The following MACROD2 variants were observed in gnomAD, a reference collection of about 807,000 sequenced individuals.
MACROD2 encodes ADP-ribose glycohydrolase MACROD2.
MACROD2 carries 36 observed loss-of-function variants against 70.4 expected under a neutral mutation model. The observed-to-expected ratio is 0.51, with a 90% confidence interval of 0.39 to 0.68. MACROD2 has a LOEUF of 0.68. MACROD2 is among the 30% of genes least tolerant of loss of function. The pLI is 0.00. For missense variants in MACROD2, 496 were observed against 538.4 expected, an observed-to-expected ratio of 0.92 and a Z score of 0.78; for synonymous variants, 172 against 178.8, an observed-to-expected ratio of 0.96 and a Z score of 0.30.
intron 6 of MACROD2, among the ~76,000 whole-genome samples, chr20:15,380,986 A>T (rs1361423492): frequency 6.6e-6 from 1 of 152,194 alleles, no homozygotes; most frequent in African/African-American, 2.4e-5. Context: ...GAAAATACAG[A>T]CCAATACCCA....
intron 3 of MACROD2, among the ~76,000 whole-genome samples, chr20:14,474,375 C>T (rs1239159006): frequency 6.6e-6 from 1 of 152,046 alleles, no homozygotes; most frequent in Non-Finnish European, 1.5e-5. Flanking sequence ...TTTGTTAAGA[C>T]TTGTTTTGTA....
At chr20:15,311,514 T>C (rs942780237) in intron 6 of MACROD2, among the ~76,000 whole-genome samples, 24 of 152,018 alleles carry the variant, frequency 1.6e-4, no homozygotes, top group African/African-American at 5.3e-4. Flanking sequence ...TTCACAAAAG[T>C]AAAGACATAA....
At position 14,956,246 on chromosome 20, in the gene MACROD2, C is replaced by T. The variant is rs77818452; in HGVS notation, c.418+271287C>T. Among the ~76,000 whole-genome samples, 1,189 of 152,206 alleles carry T rather than the reference C, an allele frequency of 7.8e-3. 13 individuals carry two copies. The highest frequency in any genetic ancestry group is 0.027 in the African/African-American group (1,141 of 41,522). On this transcript the variant is annotated intron_variant, in intron 5 of 17. Coordinates refer to ENST00000684519, the MANE Select transcript of MACROD2 (RefSeq NM_001351661.2). The stretch of plus-strand genomic sequence containing the variant: ...TAACATGGCAGGTGGTGACGAACTG[C>T]AGCTTATGACATCTCTTGCAATGTA...
chr20:16,000,634 A>G (rs2066697004), intron 15 of MACROD2, among the ~76,000 whole-genome samples: 1 of 152,172 alleles, frequency 6.6e-6, no homozygotes, highest in Admixed American at 6.5e-5. Context: ...TAGAGTTCAT[A>G]AAGTAAAGAA....
chr20:14,426,634 G>A (rs1464800275), intron 3 of MACROD2, among the ~76,000 whole-genome samples: 1 of 151,980 alleles, frequency 6.6e-6, no homozygotes, highest in African/African-American at 2.4e-5. Flanking sequence ...GATCCATTTG[G>A]GCTATTTAGT....
intron 8 of MACROD2, among the ~76,000 whole-genome samples, chr20:15,763,621 TAGA>T (rs761510142): frequency 9.2e-5 from 14 of 152,294 alleles, no homozygotes; most frequent in Non-Finnish European, 1.6e-4. Context: ...CTAAGTATAA[TAGA>T]AGAAGTGGAG....
At chr20:14,860,326 T>G (rs2073300826) in intron 5 of MACROD2, among the ~76,000 whole-genome samples, 1 of 152,090 alleles carries the variant, frequency 6.6e-6, no homozygotes, top group Non-Finnish European at 1.5e-5. Flanking sequence ...GGAAAAGAAT[T>G]TATGCAAAAG....
chr20:15,808,517 A>G (rs902850595), intron 8 of MACROD2, among the ~76,000 whole-genome samples: 5 of 152,216 alleles, frequency 3.3e-5, no homozygotes, highest in African/African-American at 4.8e-5. Flanking sequence ...TTTCTTATAA[A>G]TTATGAAAAT....
intron 4 of MACROD2, among the ~76,000 whole-genome samples, chr20:14,602,272 G>C (rs944953067): frequency 2.6e-5 from 4 of 152,178 alleles, no homozygotes; most frequent in Admixed American, 6.5e-5. Context: ...CCTGGTGGCT[G>C]CACCCTATCC....
chr20:15,687,298 A>T (rs202100864), intron 8 of MACROD2, among the ~76,000 whole-genome samples: 15 of 142,120 alleles, frequency 1.1e-4, no homozygotes, highest in African/African-American at 3.0e-4. Context: ...ATATATATAT[A>T]TTTTATATAT....
At chr20:14,834,570 T>G (rs2122246002) in intron 5 of MACROD2, among the ~76,000 whole-genome samples, 1 of 152,216 alleles carries the variant, frequency 6.6e-6, no homozygotes, top group East Asian at 1.9e-4. Context: ...GGCTTCATTC[T>G]ATATATTTAT....
At chr20:14,701,087 A>C (rs2071191136) in intron 5 of MACROD2, among the ~76,000 whole-genome samples, 1 of 152,180 alleles carries the variant, frequency 6.6e-6, no homozygotes, top group African/African-American at 2.4e-5. Flanking sequence ...TTGGTGCTTA[A>C]AAATATACAA....
chr20:15,734,010 A>G (rs973774862), intron 8 of MACROD2, among the ~76,000 whole-genome samples: 3 of 152,208 alleles, frequency 2.0e-5, no homozygotes, highest in Admixed American at 6.5e-5. Context: ...GTTAAAGTAG[A>G]GATGTATACA....
chr20:15,835,369 T>A (rs1419237014), intron 8 of MACROD2, among the ~76,000 whole-genome samples: 2 of 152,108 alleles, frequency 1.3e-5, no homozygotes, highest in Non-Finnish European at 2.9e-5. Context: ...TCAAAAAAAA[T>A]GGGTTTGCCA....
intron 4 of MACROD2, among the ~76,000 whole-genome samples, chr20:14,588,451 A>T (rs1209559420): frequency 6.6e-6 from 1 of 152,118 alleles, no homozygotes; most frequent in Non-Finnish European, 1.5e-5. Flanking sequence ...TTTTATAATT[A>T]GCTACTCTTT....
intron 8 of MACROD2, among the ~76,000 whole-genome samples, chr20:15,805,398 C>CTATTGT (rs2063760092): frequency 6.6e-6 from 1 of 151,650 alleles, no homozygotes; most frequent in African/African-American, 2.4e-5. Context: ...AGTTTTATCA[C>CTATTGT]TATTGTTATG....
chr20:14,876,767 G>T (rs2073555714), intron 5 of MACROD2, among the ~76,000 whole-genome samples: 1 of 152,056 alleles, frequency 6.6e-6, no homozygotes, highest in Non-Finnish European at 1.5e-5. Flanking sequence ...TATGTCAAAT[G>T]GTTGTAGGTG....
intron 3 of MACROD2, among the ~76,000 whole-genome samples, chr20:14,319,315 A>C (rs1174085898): frequency 6.6e-6 from 1 of 152,160 alleles, no homozygotes; most frequent in African/African-American, 2.4e-5. Context: ...CTAGAGCCAC[A>C]GTCATGGCTT....
At chr20:15,320,175 G>A (rs1489860388) in intron 6 of MACROD2, among the ~76,000 whole-genome samples, 2 of 152,124 alleles carry the variant, frequency 1.3e-5, no homozygotes, top group African/African-American at 4.8e-5. Context: ...CTGCACTCCA[G>A]CCTGGCAACA....
Sources: gnomAD v4.1 joint callset for allele counts (sites outside exome capture counted in the v4.1 genomes callset) on GRCh38, gnomAD v4.1.1 for gene constraint, MANE v1.5 for transcripts, NCBI Gene and HGNC (gene_info 2026-07-23, HGNC 2026-07-21) for gene names.